RNF31: variants seen among roughly 807,000 people sequenced by gnomAD.
The protein encoded by RNF31 is E3 ubiquitin-protein ligase RNF31.
RNF31 carries 38 observed loss-of-function variants against 133.6 expected under a neutral mutation model. The ratio of observed to expected loss-of-function variants is 0.28; its 90% CI spans 0.22 to 0.37. The LOEUF is 0.37. Among genes scored for constraint, RNF31 ranks in the 10% least tolerant of loss-of-function variants. The probability of loss-of-function intolerance (pLI) is 1.00; values close to 1 mark genes in which losing one functional copy is unlikely to be tolerated. For missense variants in RNF31, 1,118 were observed against 1,394.1 expected (o/e 0.80, Z 3.15); for synonymous variants, 582 against 552.3 (o/e 1.05, Z -0.75).
At chr14:24,153,140 G>A (rs1043522519) in intron 11 of RNF31, among the ~76,000 whole-genome samples, 1 of 152,000 alleles carries the variant, frequency 6.6e-6, no homozygotes, top group African/African-American at 2.4e-5. Context: ...GTGCTACTGT[G>A]GCTATGTTTT....
intron 5 of RNF31, 43 bp from the exon 6 acceptor site, chr14:24,149,363 C>T (rs2038228189): frequency 3.2e-6 from 5 of 1,586,286 alleles, no homozygotes; most frequent in Non-Finnish European, 3.4e-6. Flanking sequence ...CAGATGTAGC[C>T]TGGTCTTTTT....
intron 11 of RNF31, among the ~76,000 whole-genome samples, chr14:24,153,787 C>T (rs1021583716): frequency 1.3e-5 from 2 of 151,334 alleles, no homozygotes; most frequent in Admixed American, 1.3e-4. Flanking sequence ...GCCTGTAATC[C>T]CAGCTACTTG....
In RNF31 at chr14:24,147,885, G is replaced by A. The variant is rs1006768202; in HGVS notation, c.187G>A (p.Gly63Arg). 8 of 1,611,784 alleles carry A rather than the reference G, an allele frequency of 5.0e-6. No individual in the cohort carries two copies. The highest frequency in any genetic ancestry group is 6.8e-6 in the Non-Finnish European group (8 of 1,179,672). ...ACGCCTTGTCCGCTGCAACGCTCAT[G>A]GGGAGGTGAGGCCCGGCCCCGCTTG... ...AARLVRCNAH[G>R]EPRNYLNTLS... The change falls in exon 1 of 21, where the codon GGG becomes AGG. Residue 63 changes from glycine (G) to arginine (R), a missense_variant. Physicochemically the swap from Gly to Arg is moderately radical, Grantham distance 125. This residue lies in a region of RNF31 where 747 missense variants were observed against 827.9 expected (regional missense o/e 0.90). Coordinates refer to ENST00000324103, the MANE Select transcript of RNF31 (RefSeq NM_017999.5).
chr14:24,147,380 T>G, upstream of RNF31: 6 of 256,804 alleles, frequency 2.3e-5, no homozygotes, highest in East Asian at 7.1e-5. Flanking sequence ...TGCCTTCTCA[T>G]TGGTTGGGAC....
rs889940735 is a variant in RNF31, at chr14:24,151,087, G to A, written c.1489-44G>A. 6.2e-6 allele frequency: 10 copies of A among 1,606,720 alleles called. No homozygotes were observed. Among genetic ancestry groups the A allele is most frequent in the Non-Finnish European group, 8.5e-6 (10 of 1,175,416 alleles). On this transcript the variant is annotated intron_variant, in intron 8 of 20. Coordinates refer to ENST00000324103, the MANE Select transcript of RNF31 (RefSeq NM_017999.5). The surrounding 1 kb of genome is among the most constrained non-coding windows in gnomAD (Gnocchi z 5.3). ...GTCACCATCTTAGTTCAGGCTGAGG[G>A]TGGGTGAAGGGTGCCCCTCCTGATG...
chr14:24,160,591 GAT>G lies in RNF31; in HGVS notation c.*19_*20del. ...GGAAGTAGCTGAGGGCAAGGGTCCC[GAT>G]GAGGGTCCCATGGCCTGCTCCCTCA... On this transcript the variant is annotated 3_prime_UTR_variant, in exon 21 of 21. Coordinates refer to ENST00000324103, the MANE Select transcript of RNF31 (RefSeq NM_017999.5). This position sits in a 1 kb window ranked among gnomAD's most constrained non-coding sequence, Gnocchi z 4.0. 6.6e-7 allele frequency: 1 copy of G among 1,513,534 alleles called. No homozygotes were observed. The highest frequency in any genetic ancestry group is 8.9e-7 in the Non-Finnish European group (1 of 1,129,486). The allele number at this position is 1,513,534 out of a possible 1,614,324, so 93.8% of individuals were successfully genotyped here. A position where few individuals can be genotyped will look rare whatever the true frequency, so the allele number is the denominator to read the frequency against.
rs757365557 is a variant in RNF31 at position 24,155,443 on chromosome 14, T to C, written c.2334T>C (p.Tyr778=). ...GCGAGAGCCTAGAGCCAGATGCCTA[T>C]GCGTTGTTCCATAAGAAGCTGACCG... is the stretch of plus-strand genomic sequence containing the variant. ...QLRESLEPDA[Y]ALFHKKLTEG... Residue 778 remains tyrosine (Y), a synonymous_variant, in exon 13 of 21, where the codon TAT becomes TAC. Transcript: ENST00000324103. The surrounding 1 kb of genome is among the most constrained non-coding windows in gnomAD (Gnocchi z 4.9). 3 of 1,614,036 alleles carry C rather than the reference T, an allele frequency of 1.9e-6. No homozygotes were observed. Among genetic ancestry groups the C allele is most frequent in the Admixed American group, 1.7e-5 (1 of 59,996 alleles).
intron 11 of RNF31, among the ~76,000 whole-genome samples, chr14:24,153,146 G>C (rs1287332443): frequency 6.6e-6 from 1 of 151,952 alleles, no homozygotes; most frequent in Non-Finnish European, 1.5e-5. Flanking sequence ...CTGTGGCTAT[G>C]TTTTCAAAAA....
At position 24,150,807 on chromosome 14, in the gene RNF31, GCCC is replaced by G. The variant is rs2038254354; in HGVS notation, c.1408_1410del (p.Pro470del). 1.2e-6 allele frequency: 2 copies of G among 1,602,972 alleles called. No homozygotes were observed. The highest frequency in any genetic ancestry group is 3.4e-5 in the Admixed American group (2 of 58,944). On this transcript the variant is annotated inframe_deletion, in exon 8 of 21. Transcript: ENST00000324103. ...CCCCACGACGCCTTAGTGCCCCCCT[GCCC>G]AGTTCCTGTGGAGATCCTGAGAAGC...
In RNF31 at chr14:24,153,112, T is replaced by G. The variant is rs535846627; in HGVS notation, c.2130+1120T>G. 1.4e-3 allele frequency among the ~76,000 whole-genome samples: 209 copies of G among 151,494 alleles called. 4 individuals carry two copies. Among genetic ancestry groups the G allele is most frequent in the South Asian group, 4.2e-3 (20 of 4,786 alleles). Reference sequence around the variant, plus strand: ...AAAAAAAAAGAATTACTGTTCATTTTTGTGTGTGTGTGTGACAGTGCTACT... The same window carrying G: ...AAAAAAAAAGAATTACTGTTCATTTGTGTGTGTGTGTGTGACAGTGCTACT... On this transcript the variant is annotated intron_variant, in intron 11 of 20. Transcript: ENST00000324103.
chr14:24,158,102 A>C (rs777214768), intron 17 of RNF31, 40 bp from the exon 18 acceptor site: 3 of 1,612,898 alleles, frequency 1.9e-6, no homozygotes, highest in East Asian at 2.2e-5. Context: ...GGGACTTGGC[A>C]TCAAGGGGAA....
At chr14:24,150,935 A>G (rs778563837) in intron 8 of RNF31, 47 bp downstream of exon 8, 28 of 1,530,848 alleles carry the variant, frequency 1.8e-5, no homozygotes, top group Non-Finnish European at 2.5e-5. Context: ...GGTCTGGGAA[A>G]GGAGATGCTG....
Position 24,151,353 on chromosome 14 carries a change from G to A in RNF31, c.1711G>A (p.Glu571Lys). ...RHGNLDEAVEECVRTRRRKVQ... is the reference protein window; with the variant it reads ...RHGNLDEAVEKCVRTRRRKVQ... The stretch of plus-strand genomic sequence containing the variant: ...TGGCAACCTTGATGAAGCTGTGGAG[G>A]AGTGTGTGAGGACCAGGCGAAGGAA... Residue 571 changes from glutamate to lysine, a missense_variant, in exon 9 of 21, where the codon GAG (glutamate) becomes AAG (lysine). Coordinates refer to ENST00000324103, the MANE Select transcript of RNF31 (RefSeq NM_017999.5). This position sits in a 1 kb window ranked among gnomAD's most constrained non-coding sequence, Gnocchi z 5.3. The A allele has an allele frequency of 6.2e-7, 1 of 1,614,242 alleles. No individual in the cohort carries two copies. The highest frequency in any genetic ancestry group is 1.1e-5 in the South Asian group (1 of 91,086).
At chr14:24,156,193 G>A (rs2038338671) in intron 14 of RNF31, among the ~76,000 whole-genome samples, 2 of 152,206 alleles carry the variant, frequency 1.3e-5, no homozygotes, top group South Asian at 2.1e-4. Context: ...GGTGGTCAGA[G>A]AGAAGCCAGC....
chr14:24,150,612 G>T lies in RNF31; in HGVS notation c.1212G>T (p.Leu404Phe). 8 of 1,609,612 alleles carry T rather than the reference G, an allele frequency of 5.0e-6. No homozygotes were observed. Among genetic ancestry groups the T allele is most frequent in the Non-Finnish European group, 6.8e-6 (8 of 1,176,280 alleles). Residue 404 changes from leucine to phenylalanine, a missense_variant, in exon 8 of 21, where the codon TTG (leucine) becomes TTT (phenylalanine). By Grantham distance (22) the Leu-to-Phe change is conservative (BLOSUM62 0). This residue lies in a region of RNF31 where 747 missense variants were observed against 827.9 expected (regional missense o/e 0.90). Transcript: ENST00000324103. The part of the protein sequence containing the change: ...CLQPLQQGDA[L>F]LASAQSQVWY... ...TGCCTTCCCAGCAGGGGGATGCTTT[G>T]CTGGCCTCTGCCCAGAGTCAAGTCT... is the stretch of plus-strand genomic sequence containing the variant.
intron 16 of RNF31, 81 bp downstream of exon 16, chr14:24,157,719 C>A: frequency 7.7e-7 from 1 of 1,297,484 alleles, no homozygotes; most frequent in South Asian, 1.2e-5. Context: ...TGAGGAGTGG[C>A]CCCGGGGAAG....
intron 2 of RNF31, 61 bp downstream of exon 2, chr14:24,148,183 G>C: frequency 6.2e-7 from 1 of 1,613,188 alleles, no homozygotes; most frequent in Non-Finnish European, 8.5e-7. Flanking sequence ...GCCTGAGGTT[G>C]TGCTGAATGG....
In RNF31 at chr14:24,155,815, C is replaced by T; in HGVS notation, c.2493+123C>T. On this transcript the variant is annotated intron_variant, in intron 14 of 20. Coordinates refer to ENST00000324103, the MANE Select transcript of RNF31 (RefSeq NM_017999.5). This position sits in a 1 kb window ranked among gnomAD's most constrained non-coding sequence, Gnocchi z 4.9. The stretch of plus-strand genomic sequence containing the variant: ...TGAGCTCTGAGGTCAAAAGAGCTTA[C>T]AGACTACTCAGAAAGACTAGGCACA... 7 of 767,836 alleles carry T rather than the reference C, an allele frequency of 9.1e-6. 1 individual carries two copies. The highest frequency in any genetic ancestry group is 7.6e-5 in the South Asian group (5 of 65,978). 47.6% of individuals were successfully genotyped at this position (767,836 alleles called of 1,614,324 possible).
At chr14:24,152,455 C>T (rs1758896177) in intron 11 of RNF31, among the ~76,000 whole-genome samples, 2 of 151,974 alleles carry the variant, frequency 1.3e-5, no homozygotes, top group East Asian at 3.9e-4. Context: ...TGGAATTTCA[C>T]CCTTGCCCCC....
Sources: allele counts gnomAD v4.1 joint callset (sites outside exome capture counted in the v4.1 genomes callset), GRCh38; gene constraint gnomAD v4.1.1; regional missense constraint gnomAD v4.1.1; non-coding constraint Gnocchi (gnomAD v3.1); transcripts MANE v1.5; gene names NCBI Gene and HGNC (gene_info 2026-07-23, HGNC 2026-07-21).